Variants in TESK2 observed in about 807,000 individuals in gnomAD.
TESK2 encodes testis associated actin remodelling kinase 2.
Under a neutral mutation model 57.1 loss-of-function variants are expected in TESK2, and 39 were observed. That is an observed-to-expected ratio of 0.68 (90% confidence interval 0.53 to 0.89). TESK2 has a LOEUF of 0.89. Ranked by LOEUF, TESK2 falls within the 40% of genes least tolerant of loss-of-function variation. The probability of loss-of-function intolerance (pLI) is 0.00; values close to 1 mark genes in which losing one functional copy is unlikely to be tolerated. For missense variants in TESK2, 646 were observed against 732.1 expected (o/e 0.88, Z 1.36); for synonymous variants, 249 against 267.9 (o/e 0.93, Z 0.69).
intron 2 of TESK2, among the ~76,000 whole-genome samples, chr1:45,426,591 T>C (rs1233759509): frequency 6.6e-6 from 1 of 152,036 alleles, no homozygotes; most frequent in Non-Finnish European, 1.5e-5. Flanking sequence ...AAAGCAAAAA[T>C]GGACAAATGG....
chr1:45,449,141 G>A (rs1379248918), intron 2 of TESK2, among the ~76,000 whole-genome samples: 2 of 150,086 alleles, frequency 1.3e-5, no homozygotes, highest in Non-Finnish European at 1.5e-5. Context: ...GGTATTGCTT[G>A]AACCCGGAAG....
intron 4 of TESK2, among the ~76,000 whole-genome samples, chr1:45,365,510 A>T (rs1647874620): frequency 6.6e-6 from 1 of 151,288 alleles, no homozygotes; most frequent in South Asian, 2.1e-4. Flanking sequence ...ATTTATTTTC[A>T]TTTTTTTTAT....
In TESK2 at chr1:45,421,141, G is replaced by A. The variant is rs540891301; in HGVS notation, c.344+584C>T. On this transcript the variant is annotated intron_variant, in intron 3 of 10. Coordinates refer to ENST00000372086, the MANE Select transcript of TESK2 (RefSeq NM_007170.3). ...ATGTGGTGGTGCGCCTGTAGTTCCA[G>A]CTGCTCAGGAGTCTGAGGTGGGGAA... 6.0e-4 allele frequency among the ~76,000 whole-genome samples: 91 copies of A among 152,178 alleles called. 1 individual carries two copies. Among genetic ancestry groups the A allele is most frequent in the African/African-American group, 2.0e-3 (85 of 41,516 alleles).
At chr1:45,485,262 C>G (rs905983828) in intron 1 of TESK2, among the ~76,000 whole-genome samples, 2 of 149,664 alleles carry the variant, frequency 1.3e-5, no homozygotes, top group African/African-American at 4.9e-5. Flanking sequence ...GATCTCGGCT[C>G]ACTGAAGCTC....
rs1557551514 is a variant in TESK2, at chr1:45,384,606, T to TTTTA, written c.393+1305_393+1306insTAAA. On this transcript the variant is annotated intron_variant, in intron 4 of 10. Transcript: ENST00000372086. ...AGCTAATTATTAATTTTTTTTTTTT[T>TTTTA]TTTTTTTTTTTTTTTTTTTTGTAGA... 3.3e-4 allele frequency among the ~76,000 whole-genome samples: 42 copies of TTTTA among 125,542 alleles called. 1 individual carries two copies. The highest frequency in any genetic ancestry group is 1.2e-3 in the African/African-American group (37 of 30,612). The allele number at this position is 125,542 out of a possible 152,430, so 82.4% of individuals were successfully genotyped here. A position where few individuals can be genotyped will look rare whatever the true frequency, so the allele number is the denominator to read the frequency against.
At chr1:45,438,635 T>A (rs1043652784) in intron 2 of TESK2, among the ~76,000 whole-genome samples, 5 of 152,214 alleles carry the variant, frequency 3.3e-5, no homozygotes, top group Non-Finnish European at 5.9e-5. Context: ...GATTATTTCA[T>A]CACCTAGGTA....
chr1:45,345,933 C>G lies in TESK2; in HGVS notation c.941G>C (p.Ser314Thr), dbSNP rs757381218. 1 of 1,614,168 alleles carries G rather than the reference C, an allele frequency of 6.2e-7. No homozygotes were observed. The highest frequency in any genetic ancestry group is 8.5e-7 in the Non-Finnish European group (1 of 1,180,024). ...EIGKTLEEILSRLQEEEQERD... is the reference protein window; with the variant it reads ...EIGKTLEEILTRLQEEEQERD... The stretch of plus-strand genomic sequence containing the variant: ...CTCCTGCTCTTCTTCCTGTAGGCGG[C>G]TCAGAATTTCCTCCAGGGTCTTCCC... The change falls in exon 10 of 11, where the codon AGC (serine) becomes ACC (threonine). Residue 314 changes from serine (S) to threonine (T), a missense_variant. Transcript: ENST00000372086.
chr1:45,379,111 T>G (rs992374675), intron 4 of TESK2, among the ~76,000 whole-genome samples: 1 of 152,162 alleles, frequency 6.6e-6, no homozygotes, highest in Non-Finnish European at 1.5e-5. Context: ...GCACAACTAA[T>G]AACAATATCA....
At chr1:45,367,675 G>A (rs1394639994) in intron 4 of TESK2, among the ~76,000 whole-genome samples, 20 of 51,792 alleles carry the variant, frequency 3.9e-4, no homozygotes, top group African/African-American at 1.7e-3. Context: ...TTTTTTTTTT[G>A]AGATGGAGTT....
At chr1:45,466,521 C>T (rs1005389159) in intron 1 of TESK2, among the ~76,000 whole-genome samples, 3 of 151,516 alleles carry the variant, frequency 2.0e-5, no homozygotes, top group Non-Finnish European at 2.9e-5. Context: ...TGGTGGCATG[C>T]GCCTGTAGTC....
In TESK2 at chr1:45,421,804, T is replaced by G; in HGVS notation, c.265A>C (p.Asn89His). The G allele has an allele frequency of 6.2e-7, 1 of 1,614,118 alleles. No homozygotes were observed. Among genetic ancestry groups the G allele is most frequent in the Non-Finnish European group, 8.5e-7 (1 of 1,179,998 alleles). The change falls in exon 3 of 11, where the codon AAC becomes CAC. Residue 89 changes from asparagine (N) to histidine (H), a missense_variant. Transcript: ENST00000372086. ...ASGQVMALKM[N>H]TLSSNRANML... ...TTTGCCCGGTTACTGCTCAATGTGT[T>G]CATCTTAAGAGCCATCACCTGACCA...
At chr1:45,448,189 G>A (rs1651717107) in intron 2 of TESK2, among the ~76,000 whole-genome samples, 2 of 133,100 alleles carry the variant, frequency 1.5e-5, no homozygotes, top group African/African-American at 2.9e-5. Flanking sequence ...TGTGAGCCAT[G>A]ACCACACCAC....
At chr1:45,429,269 G>T (rs377353332) in intron 2 of TESK2, among the ~76,000 whole-genome samples, 2 of 152,092 alleles carry the variant, frequency 1.3e-5, no homozygotes, top group East Asian at 3.9e-4. Context: ...GATGGTGCGT[G>T]TCTGTAGTCC....
intron 3 of TESK2, among the ~76,000 whole-genome samples, chr1:45,404,134 T>C (rs2149281267): frequency 6.6e-6 from 1 of 152,304 alleles, no homozygotes; most frequent in African/African-American, 2.4e-5. Flanking sequence ...AAATATAGAC[T>C]TCAATCTATG....
At chr1:45,485,052 T>A (rs1251896094) in intron 1 of TESK2, among the ~76,000 whole-genome samples, 1 of 151,400 alleles carries the variant, frequency 6.6e-6, no homozygotes, top group Non-Finnish European at 1.5e-5. Context: ...ATTAATTAAT[T>A]AAATCAAATT....
In TESK2 at chr1:45,345,919, C is replaced by T; in HGVS notation, c.955G>A (p.Glu319Lys). 3 of 1,614,150 alleles carry T rather than the reference C, an allele frequency of 1.9e-6. No individual in the cohort carries two copies. The highest frequency in any genetic ancestry group is 2.5e-6 in the Non-Finnish European group (3 of 1,180,012). ...AGCTTCCTATCCCTCTCCTGCTCTT[C>T]TTCCTGTAGGCGGCTCAGAATTTCC... Reference protein sequence around the residue: ...LEEILSRLQEEEQERDRKLQP... With the variant: ...LEEILSRLQEKEQERDRKLQP... The change falls in exon 10 of 11, where the codon GAA becomes AAA. Residue 319 changes from glutamate to lysine, a missense_variant. By Grantham distance (56) the Glu-to-Lys change is moderately conservative (BLOSUM62 1). Coordinates refer to ENST00000372086, the MANE Select transcript of TESK2 (RefSeq NM_007170.3).
At chr1:45,475,720 G>A (rs944985753) in intron 1 of TESK2, among the ~76,000 whole-genome samples, 3 of 152,154 alleles carry the variant, frequency 2.0e-5, no homozygotes, top group South Asian at 2.1e-4. Context: ...TGGAGTGGAC[G>A]AGGAAGACCC....
chr1:45,390,580 T>G (rs940432928), intron 3 of TESK2, among the ~76,000 whole-genome samples: 4 of 145,368 alleles, frequency 2.8e-5, no homozygotes, highest in Admixed American at 6.7e-5. Context: ...TTTCTAAGGT[T>G]TTTTTTTTTT....
chr1:45,371,002 C>G (rs1648155041), intron 4 of TESK2, among the ~76,000 whole-genome samples: 1 of 151,800 alleles, frequency 6.6e-6, no homozygotes, highest in Non-Finnish European at 1.5e-5. Context: ...TGGGAAAGGA[C>G]AGTCTTTGCA....
Sources: gnomAD v4.1 joint callset for allele counts (sites outside exome capture counted in the v4.1 genomes callset) on GRCh38, gnomAD v4.1.1 for gene constraint, MANE v1.5 for transcripts, NCBI Gene and HGNC (gene_info 2026-07-23, HGNC 2026-07-21) for gene names.